WIPF3: variants seen among roughly 807,000 people sequenced by gnomAD.
The protein encoded by WIPF3 is WAS/WASL interacting protein family member 3.
In WIPF3, 33 loss-of-function variants were observed where a neutral mutation model predicts 38.9. The ratio of observed to expected loss-of-function variants is 0.85; its 90% CI spans 0.64 to 1.14. WIPF3 has a LOEUF of 1.14. Among genes scored for constraint, WIPF3 ranks in the 50% most tolerant of loss-of-function variants. The pLI is 0.00. For missense variants in WIPF3, 711 were observed against 652.5 expected, an observed-to-expected ratio of 1.09 and a Z score of -0.98; for synonymous variants, 324 against 269.3, an observed-to-expected ratio of 1.20 and a Z score of -1.99.
At chr7:29,913,755 C>T (rs77958563) in intron 8 of WIPF3, among the ~76,000 whole-genome samples, 1 of 152,338 alleles carries the variant, frequency 6.6e-6, no homozygotes, top group East Asian at 1.9e-4. Context: ...TTGTTCAGTG[C>T]TTCTTCCATA....
chr7:29,843,433 T>C (rs989395897), intron 2 of WIPF3, among the ~76,000 whole-genome samples: 3 of 152,156 alleles, frequency 2.0e-5, no homozygotes, highest in Admixed American at 6.5e-5. Flanking sequence ...TTGAGTTTCA[T>C]AGGAGCCCGG....
intron 7 of WIPF3, among the ~76,000 whole-genome samples, chr7:29,903,010 C>T (rs901003385): frequency 1.3e-5 from 2 of 152,018 alleles, no homozygotes; most frequent in South Asian, 4.2e-4. Flanking sequence ...ATTCAGTTTC[C>T]TGCAGGGTGC....
At chr7:29,889,468 T>C (rs180836654) in intron 7 of WIPF3, 61 bp downstream of exon 7, 1 of 1,260,514 alleles carries the variant, frequency 7.9e-7, no homozygotes, top group Non-Finnish European at 1.2e-6. Context: ...AGGTGCCCAC[T>C]GTGCATCAGT....
rs775236304 is a variant in WIPF3 at position 29,834,717 on chromosome 7, C to T, written c.-8C>T. On this transcript the variant is annotated 5_prime_UTR_variant, in exon 2 of 9. Coordinates refer to ENST00000242140, the MANE Select transcript of WIPF3 (RefSeq NM_001080529.3). ...ATTCATAAGCAGGAGACATCAACAC[C>T]GTGACACATGCCAGTGCCACCGCCA... 10 of 1,504,630 alleles carry T rather than the reference C, an allele frequency of 6.6e-6. No individual in the cohort carries two copies. The highest frequency in any genetic ancestry group is 2.2e-5 in the Admixed American group (1 of 45,574). 93.2% of individuals were successfully genotyped at this position (1,504,630 alleles called of 1,614,324 possible).
At chr7:29,818,878 A>AT (rs1784496430) in intron 1 of WIPF3, among the ~76,000 whole-genome samples, 1 of 152,006 alleles carries the variant, frequency 6.6e-6, no homozygotes, top group African/African-American at 2.4e-5. Context: ...TGATTGTATG[A>AT]TTTTCCTGTT....
At chr7:29,897,007 C>G (rs1786158711) in intron 7 of WIPF3, among the ~76,000 whole-genome samples, 1 of 152,334 alleles carries the variant, frequency 6.6e-6, no homozygotes, top group East Asian at 1.9e-4. Flanking sequence ...CTTCCCCCAG[C>G]CCCTGGCAAT....
At chr7:29,848,491 G>T (rs190015372) in intron 2 of WIPF3, among the ~76,000 whole-genome samples, 1 of 152,260 alleles carries the variant, frequency 6.6e-6, no homozygotes, top group African/African-American at 2.4e-5. Context: ...AGCAAAGAAA[G>T]AAGTTCTTTA....
intron 2 of WIPF3, among the ~76,000 whole-genome samples, chr7:29,866,290 A>G (rs529014582): frequency 3.3e-4 from 51 of 152,336 alleles, no homozygotes; most frequent in African/African-American, 1.2e-3. Context: ...GTCTCCTTTC[A>G]TATGTGAGCA....
chr7:29,829,014 C>T (rs1784672904), intron 1 of WIPF3, among the ~76,000 whole-genome samples: 1 of 152,130 alleles, frequency 6.6e-6, no homozygotes, highest in South Asian at 2.1e-4. Context: ...TGCTTGTGTT[C>T]TCCCACTTCC....
At chr7:29,858,942 A>G (rs1583606355) in intron 2 of WIPF3, among the ~76,000 whole-genome samples, 1 of 152,236 alleles carries the variant, frequency 6.6e-6, no homozygotes, top group East Asian at 1.9e-4. Flanking sequence ...TGAAGCTTTA[A>G]GAGTGCTTAT....
intron 5 of WIPF3, 67 bp from the exon 6 acceptor site, chr7:29,888,001 C>G: frequency 6.3e-7 from 1 of 1,591,072 alleles, no homozygotes. Context: ...CCTAATATCT[C>G]ACATAAGGTT....
rs1785780210 is a variant in WIPF3 at position 29,883,983 on chromosome 7, G to T, written c.489G>T (p.Arg163Ser). 1 of 1,537,138 alleles carries T rather than the reference G, an allele frequency of 6.5e-7. No homozygotes were observed. The highest frequency in any genetic ancestry group is 8.8e-7 in the Non-Finnish European group (1 of 1,139,986). ...CCTCCGAGGCGCATGGCGCTGCCAGGACAGCCCCGCCTCGCCCCAACGTGC... is the reference window on the plus strand; with the variant it reads ...CCTCCGAGGCGCATGGCGCTGCCAGTACAGCCCCGCCTCGCCCCAACGTGC... ...GNTSEAHGAARTAPPRPNVPA... is the reference protein window; with the variant it reads ...GNTSEAHGAASTAPPRPNVPA... Residue 163 changes from arginine to serine, a missense_variant, in exon 5 of 9, where the codon AGG (arginine) becomes AGT (serine). Coordinates refer to ENST00000242140, the MANE Select transcript of WIPF3 (RefSeq NM_001080529.3).
chr7:29,833,400 C>G (rs1562773141), intron 1 of WIPF3, among the ~76,000 whole-genome samples: 1 of 152,190 alleles, frequency 6.6e-6, no homozygotes, highest in Non-Finnish European at 1.5e-5. Context: ...TGACTTTGAG[C>G]AAAAGAGTTA....
intron 6 of WIPF3, 60 bp from the exon 7 acceptor site, chr7:29,889,246 G>T: frequency 7.1e-7 from 1 of 1,412,630 alleles, no homozygotes; most frequent in South Asian, 1.2e-5. Flanking sequence ...TCCTGGAAAT[G>T]ATCAAAACTT....
At chr7:29,865,187 C>T (rs1190557240) in intron 2 of WIPF3, among the ~76,000 whole-genome samples, 1 of 152,006 alleles carries the variant, frequency 6.6e-6, no homozygotes, top group African/African-American at 2.4e-5. Context: ...AATGGTGGAC[C>T]CAGAATCCCA....
chr7:29,821,704 C>T (rs1013631034), intron 1 of WIPF3, among the ~76,000 whole-genome samples: 2 of 152,222 alleles, frequency 1.3e-5, no homozygotes, highest in Non-Finnish European at 2.9e-5. Context: ...GTCTTTTACT[C>T]AGGAAAACCA....
chr7:29,851,028 CA>C (rs1785086529), intron 2 of WIPF3, among the ~76,000 whole-genome samples: 1 of 152,232 alleles, frequency 6.6e-6, no homozygotes, highest in Admixed American at 6.5e-5. Context: ...ATATCAGTGG[CA>C]GTCCCCTCTC....
chr7:29,914,142 C>T (rs1461602209), intron 8 of WIPF3, among the ~76,000 whole-genome samples: 1 of 152,172 alleles, frequency 6.6e-6, no homozygotes, highest in Non-Finnish European at 1.5e-5. Flanking sequence ...AGTCTGAATG[C>T]CTAAATCGGT....
intron 1 of WIPF3, among the ~76,000 whole-genome samples, chr7:29,812,912 G>A (rs566968988): frequency 3.3e-5 from 5 of 152,308 alleles, no homozygotes; most frequent in Admixed American, 2.6e-4. Flanking sequence ...GCACCCAACT[G>A]CCTGTGTAAA....
Sources: gnomAD v4.1 joint callset for allele counts (sites outside exome capture counted in the v4.1 genomes callset) on GRCh38, gnomAD v4.1.1 for gene constraint, MANE v1.5 for transcripts, NCBI Gene and HGNC (gene_info 2026-07-23, HGNC 2026-07-21) for gene names.